Variants in KLF15 observed in about 807,000 individuals in gnomAD.
KLF15 encodes Krueppel-like factor 15.
A neutral mutation model predicts 24.6 loss-of-function variants in KLF15; 4 were observed. The observed-to-expected ratio is 0.16, with a 90% confidence interval of 0.08 to 0.37. KLF15 has a LOEUF of 0.37. KLF15 is among the 10% of genes least tolerant of loss of function. KLF15 has a pLI of 1.00. For synonymous variants in KLF15, 246 were observed against 236.3 expected (o/e 1.04, Z -0.37); for missense variants, 496 against 560.6 (o/e 0.88, Z 1.16).
the KLF15 span, among the ~76,000 whole-genome samples, chr3:126,299,242 T>G: frequency 9.3e-6 from 1 of 107,058 alleles, no homozygotes; most frequent in Non-Finnish European, 2.1e-5. Context: ...ATGTATTTGT[T>G]TATTTATTTA....
At chr3:126,316,275 T>G in the KLF15 span, among the ~76,000 whole-genome samples, 1 of 127,074 alleles carries the variant, frequency 7.9e-6, no homozygotes, top group African/African-American at 3.1e-5. Context: ...GGGCTGGGAG[T>G]GCATGGGCCA....
At chr3:126,337,885 A>C (rs2082450468), downstream of KLF15, among the ~76,000 whole-genome samples, 1 of 152,146 alleles carries the variant, frequency 6.6e-6, no homozygotes, top group Non-Finnish European at 1.5e-5. Context: ...TCCAGGAGGA[A>C]GATGAAGGTG....
chr3:126,306,413 C>A, the KLF15 span, among the ~76,000 whole-genome samples: 1 of 152,150 alleles, frequency 6.6e-6, no homozygotes, highest in Non-Finnish European at 1.5e-5. Context: ...AGATTATTTA[C>A]TCTAAGAAAA....
chr3:126,293,135 C>T, the KLF15 span, among the ~76,000 whole-genome samples: 20 of 130,750 alleles, frequency 1.5e-4, no homozygotes, highest in African/African-American at 5.5e-4. Flanking sequence ...CATAGCAAGA[C>T]TGCATCTCTA....
At chr3:126,310,004 G>A in the KLF15 span, among the ~76,000 whole-genome samples, 1 of 152,236 alleles carries the variant, frequency 6.6e-6, no homozygotes, top group Non-Finnish European at 1.5e-5. Context: ...GAACAGAAAT[G>A]CATTTCTCCC....
downstream of KLF15, among the ~76,000 whole-genome samples, chr3:126,338,464 A>G (rs1048563868): frequency 3.9e-5 from 6 of 152,228 alleles, no homozygotes; most frequent in Non-Finnish European, 7.3e-5. Context: ...ACAACTCACC[A>G]ATTAACCCTA....
In KLF15 at chr3:126,352,617, G is replaced by A. The variant is rs371598172; in HGVS notation, c.306C>T (p.Pro102=). 1.1e-5 allele frequency: 17 copies of A among 1,606,666 alleles called. No homozygotes were observed. Among genetic ancestry groups the A allele is most frequent in the African/African-American group, 5.4e-5 (4 of 74,666 alleles). The change falls in exon 2 of 3, where the codon CCC becomes CCT. Residue 102 remains proline, a synonymous_variant. Transcript: ENST00000296233. ...CCCTTCGCCAGGGCCCCCAGGCCAC[G>A]GGGCCACTGCTGGCCCCAATGCTAC... ...SGSSIGASSG[P]VAWGPWRRAA...
the KLF15 span, among the ~76,000 whole-genome samples, chr3:126,309,983 C>A: frequency 6.6e-6 from 1 of 152,228 alleles, no homozygotes; most frequent in Non-Finnish European, 1.5e-5. Flanking sequence ...AAAGACTGGG[C>A]AGTTCATCAA....
the KLF15 span, among the ~76,000 whole-genome samples, chr3:126,290,119 T>C: frequency 2.0e-5 from 3 of 152,360 alleles, no homozygotes; most frequent in Middle Eastern, 3.4e-3. Context: ...GGCAGCTTCT[T>C]GCATGACTCC....
rs866989710 is a variant in KLF15 at position 126,343,888 on chromosome 3, G to A, written c.1090C>T (p.Arg364Cys). The A allele has an allele frequency of 6.3e-7, 1 of 1,588,710 alleles. No homozygotes were observed. Among genetic ancestry groups the A allele is most frequent in the Non-Finnish European group, 8.6e-7 (1 of 1,168,298 alleles). ...CTGTGCCGCGACAGCTCGTCAGAGC[G>A]CGAGAACCTGCGGGACATGGCGCGG... Reference protein sequence around the residue: ...TWPGCGWRFSRSDELSRHRRS... With the variant: ...TWPGCGWRFSCSDELSRHRRS... The change falls in exon 3 of 3, where the codon CGC becomes TGC. Residue 364 changes from arginine to cysteine, a missense_variant. Around this residue, in one of 3 missense-constraint regions of KLF15, gnomAD observed 59 missense variants for 106.1 expected, o/e 0.56. Transcript: ENST00000296233.
downstream of KLF15, among the ~76,000 whole-genome samples, chr3:126,338,348 G>A (rs936780219): frequency 6.6e-6 from 1 of 152,228 alleles, no homozygotes; most frequent in African/African-American, 2.4e-5. Context: ...GATTCAGGGA[G>A]AGAAGAGCAC....
chr3:126,352,880 G>T lies in KLF15; in HGVS notation c.43C>A (p.Pro15Thr). The T allele has an allele frequency of 6.2e-7, 1 of 1,611,772 alleles. No homozygotes were observed. Among genetic ancestry groups the T allele is most frequent in the Non-Finnish European group, 8.5e-7 (1 of 1,179,244 alleles). ...LLPVDENFSS[P>T]KCPVGYLGDR... ...CCCAGATACCCAACTGGGCATTTTG[G>T]CGACGAGAAGTTCTCGTCCACTGGA... Residue 15 changes from proline to threonine, a missense_variant, in exon 2 of 3, where the codon CCA becomes ACA. Pro to Thr is a conservative substitution (Grantham distance 38). This residue lies in a region of KLF15 where 399 missense variants were observed against 423.1 expected (regional missense o/e 0.94). Coordinates refer to ENST00000296233, the MANE Select transcript of KLF15 (RefSeq NM_014079.4).
At chr3:126,318,533 G>A in the KLF15 span, among the ~76,000 whole-genome samples, 7 of 152,258 alleles carry the variant, frequency 4.6e-5, no homozygotes, top group East Asian at 9.7e-4. Flanking sequence ...TGTGATGGAC[G>A]TGCAGGGGGA....
Position 126,343,708 on chromosome 3 carries a change from G to T in KLF15, c.*19C>A, listed in dbSNP as rs775219356. ...GGTGGGGATCCGGGGTGACGGACAG[G>T]CTGGGGTTCAGGGCGCTTTCAGTTC... On this transcript the variant is annotated 3_prime_UTR_variant, in exon 3 of 3. Coordinates refer to ENST00000296233, the MANE Select transcript of KLF15 (RefSeq NM_014079.4). The T allele has an allele frequency of 6.2e-7, 1 of 1,604,940 alleles. No homozygotes were observed.
Position 126,352,295 on chromosome 3 carries a change from C to T in KLF15, c.628G>A (p.Gly210Ser), listed in dbSNP as rs758437890. The T allele has an allele frequency of 6.5e-6, 10 of 1,547,680 alleles. No individual in the cohort carries two copies. Among genetic ancestry groups the T allele is most frequent in the Middle Eastern group, 1.7e-4 (1 of 5,736 alleles). Reference sequence around the variant, plus strand: ...GGGATGGGGCCATCAGGCGTGGGGCCCCCACCTGGGCCCTGGGCACCTCCT... The same window carrying T: ...GGGATGGGGCCATCAGGCGTGGGGCTCCCACCTGGGCCCTGGGCACCTCCT... ...SAGGAQGPGG[G>S]PTPDGPIPVL... The change falls in exon 2 of 3, where the codon GGC (glycine) becomes AGC (serine). Residue 210 changes from glycine to serine, a missense_variant. Physicochemically the swap from Gly to Ser is moderately conservative, Grantham distance 56. Around this residue, in one of 3 missense-constraint regions of KLF15, gnomAD observed 399 missense variants for 423.1 expected, o/e 0.94. Transcript: ENST00000296233.
chr3:126,347,464 C>T (rs1381165903), intron 2 of KLF15, among the ~76,000 whole-genome samples: 2 of 152,206 alleles, frequency 1.3e-5, no homozygotes, highest in African/African-American at 4.8e-5. Flanking sequence ...CTGGAACTCC[C>T]CTTCTCTGTC....
the KLF15 span, among the ~76,000 whole-genome samples, chr3:126,321,869 C>T: frequency 6.6e-6 from 1 of 152,170 alleles, no homozygotes; most frequent in Non-Finnish European, 1.5e-5. Context: ...GCCAAAGCAC[C>T]CAGGCAGGTT....
the KLF15 span, among the ~76,000 whole-genome samples, chr3:126,317,034 T>C: frequency 6.6e-6 from 1 of 152,136 alleles, no homozygotes; most frequent in African/African-American, 2.4e-5. Flanking sequence ...GGAGCCCCAC[T>C]GTGAATCCTC....
rs371674888 is a variant in KLF15 at position 126,352,835 on chromosome 3, G to A, written c.88C>T (p.Arg30Trp). The A allele has an allele frequency of 1.1e-4, 171 of 1,609,364 alleles. 2 individuals are homozygous for A. The highest frequency in any genetic ancestry group is 6.6e-4 in the Middle Eastern group (4 of 6,056). Residue 30 changes from arginine (R) to tryptophan (W), a missense_variant, in exon 2 of 3, where the codon CGG becomes TGG. Physicochemically the swap from Arg to Trp is moderately radical, Grantham distance 101 (BLOSUM62 -3). Transcript: ENST00000296233. The part of the protein sequence containing the change: ...GYLGDRLVGR[R>W]AYHMLPSPVS... ...GGTGAGGGCAGCATGTGATATGCCC[G>A]CCGGCCAACCAGCCTATCACCCAGA...
Sources: gnomAD v4.1 joint callset for allele counts (sites outside exome capture counted in the v4.1 genomes callset) on GRCh38, gnomAD v4.1.1 for gene constraint, gnomAD v4.1.1 regional missense constraint, MANE v1.5 for transcripts, NCBI Gene and HGNC (gene_info 2026-07-23, HGNC 2026-07-21) for gene names.